MYT1L: variants seen among roughly 807,000 people sequenced by gnomAD.
MYT1L encodes myelin transcription factor 1-like protein.
A neutral mutation model predicts 126.7 loss-of-function variants in MYT1L; 12 were observed. That is an observed-to-expected ratio of 0.09 (90% CI 0.06 to 0.15). The LOEUF is 0.15. Among genes scored for constraint, MYT1L ranks in the 10% least tolerant of loss-of-function variants. The pLI, the probability that MYT1L is intolerant of heterozygous loss-of-function variation, is 1.00. For synonymous variants in MYT1L, 541 were observed against 604.2 expected, an observed-to-expected ratio of 0.90 and a Z score of 1.53; for missense variants, 979 against 1,585.2, an observed-to-expected ratio of 0.62 and a Z score of 6.49.
Position 1,971,796 on chromosome 2 carries a change from A to G in MYT1L, c.152+7369T>C, listed in dbSNP as rs527661279. ...CCTGAATTTTGTGTCTGCAAATCCTATGGGTACTCAGGCCTGAATTTTGTG... is the reference window on the plus strand; with the variant it reads ...CCTGAATTTTGTGTCTGCAAATCCTGTGGGTACTCAGGCCTGAATTTTGTG... On this transcript the variant is annotated intron_variant, in intron 8 of 24. Coordinates refer to ENST00000647738, the MANE Select transcript of MYT1L (RefSeq NM_001303052.2). Among the ~76,000 whole-genome samples the G allele has an allele frequency of 1.6e-4, 25 of 152,228 alleles. 1 individual carries two copies. Among genetic ancestry groups the G allele is most frequent in the Middle Eastern group, 3.4e-3 (1 of 294 alleles).
At chr2:2,308,132 C>CCTA (rs1375899346) in intron 1 of MYT1L, among the ~76,000 whole-genome samples, 2 of 152,046 alleles carry the variant, frequency 1.3e-5, no homozygotes, top group East Asian at 3.9e-4. Flanking sequence ...GTATACTTTA[C>CCTA]CTACACTTCA....
intron 8 of MYT1L, among the ~76,000 whole-genome samples, chr2:1,976,872 G>A (rs11888121): frequency 0.19 from 29,374 of 152,004 alleles, 4,245 homozygotes; most frequent in African/African-American, 0.41. Flanking sequence ...TTTTTGCACC[G>A]TTTTACATAA....
intron 22 of MYT1L, among the ~76,000 whole-genome samples, chr2:1,803,289 T>G (rs970395873): frequency 1.3e-5 from 2 of 152,198 alleles, no homozygotes; most frequent in African/African-American, 4.8e-5. Flanking sequence ...TCCAAATGCC[T>G]TTAGAACACC....
At chr2:1,915,265 T>C (rs1423975785) in intron 11 of MYT1L, among the ~76,000 whole-genome samples, 1 of 152,198 alleles carries the variant, frequency 6.6e-6, no homozygotes, top group Non-Finnish European at 1.5e-5. Flanking sequence ...AGTAAATGCT[T>C]GTGGTGTTAT....
intron 8 of MYT1L, among the ~76,000 whole-genome samples, chr2:1,951,548 A>G (rs138394431): frequency 3.5e-4 from 54 of 152,350 alleles, no homozygotes; most frequent in African/African-American, 1.3e-3. Context: ...TGGTCCATGA[A>G]CAGCAACCAG....
At chr2:2,218,051 A>C (rs2093744735) in intron 2 of MYT1L, among the ~76,000 whole-genome samples, 1 of 152,338 alleles carries the variant, frequency 6.6e-6, no homozygotes, top group East Asian at 1.9e-4. Flanking sequence ...TGCTAATAAT[A>C]AAAAGACCAA....
At chr2:2,231,013 C>G (rs960501764) in intron 2 of MYT1L, among the ~76,000 whole-genome samples, 1 of 152,114 alleles carries the variant, frequency 6.6e-6, no homozygotes, top group African/African-American at 2.4e-5. Context: ...TTACCCAGCC[C>G]CCACCCCCAG....
intron 2 of MYT1L, among the ~76,000 whole-genome samples, chr2:2,247,185 A>AT (rs1424525439): frequency 6.6e-6 from 1 of 152,222 alleles, no homozygotes; most frequent in Non-Finnish European, 1.5e-5. Flanking sequence ...AAATAAAGGG[A>AT]TAAAAAATGA....
At chr2:2,187,542 G>A (rs1305714429) in intron 2 of MYT1L, among the ~76,000 whole-genome samples, 2 of 151,664 alleles carry the variant, frequency 1.3e-5, no homozygotes, top group Non-Finnish European at 2.9e-5. Flanking sequence ...CCTCGCCCCC[G>A]TGGAAAGGAA....
chr2:1,797,258 C>T (rs77696944), intron 23 of MYT1L, among the ~76,000 whole-genome samples: 1 of 151,720 alleles, frequency 6.6e-6, no homozygotes, highest in Non-Finnish European at 1.5e-5. Context: ...GTCCGGACTT[C>T]TTTTTTTTTC....
At position 2,068,766 on chromosome 2, in the gene MYT1L, C is replaced by CTTCTTTTTTTT. The variant is rs1370285207; in HGVS notation, c.-303-14644_-303-14643insAAAAAAAAGAA. 3.6e-3 allele frequency among the ~76,000 whole-genome samples: 21 copies of CTTCTTTTTTTT among 5,870 alleles called. 1 individual carries two copies. The highest frequency in any genetic ancestry group is 6.6e-3 in the Non-Finnish European group (18 of 2,738). The allele number at this position is 5,870 out of a possible 152,430, so 3.9% of individuals were successfully genotyped here. A position where few individuals can be genotyped will look rare whatever the true frequency, so the allele number is the denominator to read the frequency against. On this transcript the variant is annotated intron_variant, in intron 3 of 24. Coordinates refer to ENST00000647738, the MANE Select transcript of MYT1L (RefSeq NM_001303052.2). Reference sequence around the variant, plus strand: ...TTTGGACACAGACACCTGTGTTCTTCTTGTTTTTTTTTTTTTTTTTTTTTT... The same window carrying CTTCTTTTTTTT: ...TTTGGACACAGACACCTGTGTTCTTCTTCTTTTTTTTTTGTTTTTTTTTTTTTTTTTTTTTT...
At chr2:1,820,033 G>T (rs868027253) in intron 21 of MYT1L, among the ~76,000 whole-genome samples, 2 of 77,702 alleles carry the variant, frequency 2.6e-5, no homozygotes, top group African/African-American at 4.9e-5. Flanking sequence ...GAGGGCAGTG[G>T]GGGGGGGCCA....
In MYT1L at chr2:1,887,708, A is replaced by C. The variant is rs2048331434; in HGVS notation, c.2521-99T>G. The C allele has an allele frequency of 2.9e-6, 4 of 1,385,700 alleles. No individual in the cohort carries two copies. Among genetic ancestry groups the C allele is most frequent in the Non-Finnish European group, 4.0e-6 (4 of 988,388 alleles). 85.8% of individuals were successfully genotyped at this position (1,385,700 alleles called of 1,614,324 possible). The stretch of plus-strand genomic sequence containing the variant: ...CTCTGGGGTGGCCTCTACATCTTAC[A>C]CCTCTTTCTGCTGTACCTTTAAGAT... On this transcript the variant is annotated intron_variant, in intron 16 of 24. Transcript: ENST00000647738. The surrounding 1 kb of genome is among the most constrained non-coding windows in gnomAD (Gnocchi z 4.8).
chr2:1,840,618 A>T (rs983623653), intron 20 of MYT1L, 142 bp downstream of exon 20: 4 of 661,444 alleles, frequency 6.0e-6, no homozygotes, highest in Non-Finnish European at 1.0e-5. Flanking sequence ...AAGTTATCTG[A>T]CCTTGCATTT....
intron 2 of MYT1L, among the ~76,000 whole-genome samples, chr2:2,194,500 G>A (rs1466658771): frequency 2.0e-5 from 3 of 152,180 alleles, no homozygotes; most frequent in African/African-American, 7.2e-5. Flanking sequence ...TGGGGAGAAA[G>A]GTGCGACATT....
At chr2:2,170,751 C>G (rs1210691148) in intron 3 of MYT1L, among the ~76,000 whole-genome samples, 1 of 152,058 alleles carries the variant, frequency 6.6e-6, no homozygotes, top group East Asian at 1.9e-4. Context: ...GAGTCAAACA[C>G]TAATCTTTAA....
chr2:1,952,985 CTTTCTTTCT>C (rs1418287980), intron 8 of MYT1L, among the ~76,000 whole-genome samples: 1 of 115,072 alleles, frequency 8.7e-6, no homozygotes, highest in Non-Finnish European at 1.8e-5. Context: ...CTTCCTTTCT[CTTTCTTTCT>C]TTTCTTTTCT....
intron 9 of MYT1L, among the ~76,000 whole-genome samples, chr2:1,926,669 TCTC>T (rs2054274596): frequency 6.6e-6 from 1 of 152,160 alleles, no homozygotes; most frequent in African/African-American, 2.4e-5. Flanking sequence ...TTCAAGCAAT[TCTC>T]CTGCTTCAGC....
intron 5 of MYT1L, among the ~76,000 whole-genome samples, chr2:1,995,074 T>G (rs573734006): frequency 2.0e-5 from 3 of 151,950 alleles, no homozygotes; most frequent in Admixed American, 1.3e-4. Context: ...TGAAAGTTAT[T>G]AAATGGGAAA....
Sources: allele counts gnomAD v4.1 joint callset (sites outside exome capture counted in the v4.1 genomes callset), GRCh38; gene constraint gnomAD v4.1.1; non-coding constraint Gnocchi (gnomAD v3.1); transcripts MANE v1.5; gene names NCBI Gene and HGNC (gene_info 2026-07-23, HGNC 2026-07-21).